KCNQ5: variants seen among roughly 807,000 people sequenced by gnomAD.
KCNQ5 encodes potassium voltage-gated channel subfamily KQT member 5.
KCNQ5 carries 30 observed loss-of-function variants against 98.2 expected under a neutral mutation model. The observed-to-expected ratio is 0.31, with a 90% CI of 0.23 to 0.41. KCNQ5 has a LOEUF of 0.41. Among genes scored for constraint, KCNQ5 ranks in the 10% least tolerant of loss-of-function variants. The pLI is 1.00. For synonymous variants in KCNQ5, 458 were observed against 449.4 expected, an observed-to-expected ratio of 1.02 and a Z score of -0.24; for missense variants, 835 against 1,182.5, an observed-to-expected ratio of 0.71 and a Z score of 4.31.
At chr6:72,786,308 G>A (rs186373472) in intron 1 of KCNQ5, among the ~76,000 whole-genome samples, 1 of 152,244 alleles carries the variant, frequency 6.6e-6, no homozygotes, top group East Asian at 1.9e-4. Flanking sequence ...TATAAAACGT[G>A]CTTAAATTCT....
chr6:72,783,160 A>C (rs529984154), intron 1 of KCNQ5, among the ~76,000 whole-genome samples: 8 of 152,302 alleles, frequency 5.3e-5, no homozygotes, highest in Admixed American at 5.2e-4. Flanking sequence ...GGCATTTCCT[A>C]GAGTTGTGTC....
chr6:72,900,168 T>C (rs1041962392), intron 1 of KCNQ5, among the ~76,000 whole-genome samples: 40 of 152,150 alleles, frequency 2.6e-4, no homozygotes, highest in Admixed American at 2.2e-3. Context: ...TGTGTCCTCA[T>C]AGCTTTGCTC....
chr6:73,124,444 C>A lies in KCNQ5; in HGVS notation c.1221-42C>A, dbSNP rs763472825. ...TTATCAAGTGCTATAAATATATTCA[C>A]TGGTTTATCATCATTTCTCTTCTGC... On this transcript the variant is annotated intron_variant, in intron 8 of 13. Transcript: ENST00000370398. 4 of 1,604,484 alleles carry A rather than the reference C, an allele frequency of 2.5e-6. No individual in the cohort carries two copies. The South Asian group carries it at 4.4e-5, about 18-fold the overall frequency.
At chr6:72,904,361 T>G (rs1399789871) in intron 1 of KCNQ5, among the ~76,000 whole-genome samples, 1 of 152,240 alleles carries the variant, frequency 6.6e-6, no homozygotes, top group Non-Finnish European at 1.5e-5. Context: ...TCAATGTTAG[T>G]ATTGAAATGT....
chr6:73,025,522 G>C (rs1268446662), intron 2 of KCNQ5, among the ~76,000 whole-genome samples: 2 of 151,270 alleles, frequency 1.3e-5, no homozygotes, highest in Non-Finnish European at 2.9e-5. Flanking sequence ...TACTCAGGAG[G>C]CTGAGGCAGG....
At chr6:72,671,168 C>G (rs981195998) in intron 1 of KCNQ5, among the ~76,000 whole-genome samples, 1 of 152,148 alleles carries the variant, frequency 6.6e-6, no homozygotes, top group Non-Finnish European at 1.5e-5. Flanking sequence ...GGCCTTCTCC[C>G]TTTTCTTTTG....
At chr6:73,097,332 C>T (rs879595307) in intron 5 of KCNQ5, among the ~76,000 whole-genome samples, 7 of 151,784 alleles carry the variant, frequency 4.6e-5, no homozygotes, top group Non-Finnish European at 1.0e-4. Flanking sequence ...ATTTACCTTT[C>T]TGTGCCTGGC....
intron 3 of KCNQ5, chr6:73,055,683 G>C: frequency 8.8e-7 from 1 of 1,136,350 alleles, no homozygotes; most frequent in South Asian, 1.2e-5. Context: ...CATCTGAAGG[G>C]TCTCTCTGAA....
At chr6:72,714,200 T>G (rs1769524305) in intron 1 of KCNQ5, among the ~76,000 whole-genome samples, 1 of 148,174 alleles carries the variant, frequency 6.7e-6, no homozygotes, top group Non-Finnish European at 1.5e-5. Flanking sequence ...TCTTACTAAG[T>G]CTTAATCTCT....
chr6:72,882,098 G>C (rs959160338), intron 1 of KCNQ5, among the ~76,000 whole-genome samples: 1 of 152,158 alleles, frequency 6.6e-6, no homozygotes, highest in African/African-American at 2.4e-5. Context: ...TAAAAGGATG[G>C]AAATGAGTAA....
chr6:72,804,501 A>C (rs954239171), intron 1 of KCNQ5, among the ~76,000 whole-genome samples: 8 of 152,054 alleles, frequency 5.3e-5, no homozygotes, highest in African/African-American at 1.9e-4. Flanking sequence ...AAATGACAGA[A>C]TCTCACTCTT....
intron 1 of KCNQ5, among the ~76,000 whole-genome samples, chr6:73,000,923 A>G (rs1392879282): frequency 6.6e-6 from 1 of 152,052 alleles, no homozygotes; most frequent in African/African-American, 2.4e-5. Context: ...CCTCTCCTCC[A>G]CTTAGCTCCA....
chr6:72,720,847 A>G (rs1339610386), intron 1 of KCNQ5, among the ~76,000 whole-genome samples: 3 of 152,312 alleles, frequency 2.0e-5, no homozygotes, highest in South Asian at 2.1e-4. Context: ...CTCTAAGTCC[A>G]TTGCTTTTCC....
intron 1 of KCNQ5, among the ~76,000 whole-genome samples, chr6:72,733,987 T>G (rs1427632561): frequency 7.8e-6 from 1 of 127,490 alleles, no homozygotes; most frequent in Non-Finnish European, 1.5e-5. Context: ...CAAATAGGTG[T>G]GAAGGGAGGA....
intron 1 of KCNQ5, among the ~76,000 whole-genome samples, chr6:72,720,641 T>A (rs1769907804): frequency 6.6e-6 from 1 of 152,226 alleles, no homozygotes; most frequent in Non-Finnish European, 1.5e-5. Context: ...CTATCATCAG[T>A]GCGGAGTGAT....
intron 1 of KCNQ5, among the ~76,000 whole-genome samples, chr6:72,869,875 G>A (rs1160537132): frequency 6.6e-6 from 1 of 152,132 alleles, no homozygotes; most frequent in Non-Finnish European, 1.5e-5. Context: ...GTGCGATGAG[G>A]GTCAAAGAGA....
chr6:72,928,993 CA>C (rs1214118430), intron 1 of KCNQ5, among the ~76,000 whole-genome samples: 1 of 152,050 alleles, frequency 6.6e-6, no homozygotes, highest in Admixed American at 6.6e-5. Context: ...AGGCTAGCTC[CA>C]ATTCCTTAAG....
At chr6:72,924,615 A>G (rs1780543267) in intron 1 of KCNQ5, among the ~76,000 whole-genome samples, 1 of 152,122 alleles carries the variant, frequency 6.6e-6, no homozygotes, top group East Asian at 1.9e-4. Context: ...ACGCAGGTGG[A>G]AGACCCTTGC....
At chr6:72,730,094 C>G (rs1429495119) in intron 1 of KCNQ5, among the ~76,000 whole-genome samples, 1 of 152,090 alleles carries the variant, frequency 6.6e-6, no homozygotes. Flanking sequence ...TACTTCAAGG[C>G]TACAGTGAGC....
Sources: allele counts gnomAD v4.1 joint callset (sites outside exome capture counted in the v4.1 genomes callset), GRCh38; gene constraint gnomAD v4.1.1; transcripts MANE v1.5; gene names NCBI Gene and HGNC (gene_info 2026-07-23, HGNC 2026-07-21).